The following STPG1 variants were observed in gnomAD, a reference collection of about 807,000 sequenced individuals.
The protein encoded by STPG1 is O(6)-methylguanine-induced apoptosis 2.
A neutral mutation model predicts 40.1 loss-of-function variants in STPG1; 33 were observed. The ratio of observed to expected loss-of-function variants is 0.82; its 90% CI spans 0.62 to 1.10. STPG1 has a LOEUF of 1.10. Among genes scored for constraint, STPG1 ranks in the 50% least tolerant of loss-of-function variants. STPG1 has a pLI of 0.00. For missense variants in STPG1, 396 were observed against 415.1 expected (o/e 0.95, Z 0.40); for synonymous variants, 150 against 155.0 (o/e 0.97, Z 0.24).
chr1:24,412,760 T>G (rs1052220240), intron 1 of STPG1, among the ~76,000 whole-genome samples: 10 of 152,298 alleles, frequency 6.6e-5, no homozygotes, highest in African/African-American at 2.4e-4. Flanking sequence ...ATTGGTGGAA[T>G]GAATGAATGA....
At chr1:24,379,971 A>T in intron 4 of STPG1, 148 bp from the exon 5 acceptor site, 1 of 752,786 alleles carries the variant, frequency 1.3e-6, no homozygotes, top group Non-Finnish European at 2.1e-6. Context: ...AACTGACCTC[A>T]GGCTTTGAGG....
rs1640883304 is a variant in STPG1 at position 24,358,628 on chromosome 1, G to C, written c.929-9C>G. 3.7e-6 allele frequency: 6 copies of C among 1,606,522 alleles called. No homozygotes were observed. The South Asian group carries it at 5.5e-5, about 15-fold the overall frequency. On this transcript the variant is annotated splice_polypyrimidine_tract_variant and intron_variant, in intron 8 of 8. Transcript: ENST00000337248. ...CTCTGGCTTGTACGTAGCTGTGAGGGGACAGAGAGGCGGAGGCATTAAGAG... is the reference window on the plus strand; with the variant it reads ...CTCTGGCTTGTACGTAGCTGTGAGGCGACAGAGAGGCGGAGGCATTAAGAG...
Position 24,384,384 on chromosome 1 carries a change from G to A in STPG1, c.190-381C>T, listed in dbSNP as rs975854218. 2.6e-5 allele frequency among the ~76,000 whole-genome samples: 4 copies of A among 152,184 alleles called. 1 individual carries two copies. The highest frequency in any genetic ancestry group is 9.7e-5 in the African/African-American group (4 of 41,446). On this transcript the variant is annotated intron_variant, in intron 3 of 8. Transcript: ENST00000337248. The stretch of plus-strand genomic sequence containing the variant: ...TAAGCCAGACCCACGGCAAGGGAAG[G>A]GTGAGCGATTTCATGTTCACCCCAC...
intron 3 of STPG1, chr1:24,391,129 G>C (rs974700761): frequency 2.0e-5 from 3 of 152,760 alleles, no homozygotes; most frequent in African/African-American, 7.2e-5. Context: ...GCCCTCCAAA[G>C]GTAATTCTAG....
intron 7 of STPG1, among the ~76,000 whole-genome samples, chr1:24,361,290 C>T (rs1641100882): frequency 6.6e-6 from 1 of 152,142 alleles, no homozygotes; most frequent in South Asian, 2.1e-4. Flanking sequence ...AGATGACGTA[C>T]CTAAAACACA....
At chr1:24,402,261 CT>C (rs1435633465) in intron 1 of STPG1, among the ~76,000 whole-genome samples, 1 of 152,166 alleles carries the variant, frequency 6.6e-6, no homozygotes, top group Non-Finnish European at 1.5e-5. Flanking sequence ...TAGTGTAATG[CT>C]TTTGAAATTC....
rs56972835 is a variant in STPG1 at position 24,382,917 on chromosome 1, C to CTTT, written c.291+982_291+984dup. On this transcript the variant is annotated intron_variant, in intron 4 of 8. Transcript: ENST00000337248. ...AGAGTCTGGGCTTGCTTTCTTTTCA[C>CTTT]TTTTTTTTTTTTTGGACAGAGTCTG... is the stretch of plus-strand genomic sequence containing the variant. 2.1e-3 allele frequency among the ~76,000 whole-genome samples: 285 copies of CTTT among 133,496 alleles called. 14 individuals are homozygous for CTTT. Among genetic ancestry groups the CTTT allele is most frequent in the African/African-American group, 7.8e-3 (266 of 34,284 alleles). The allele number at this position is 133,496 out of a possible 152,430, so 87.6% of individuals were successfully genotyped here. A position where few individuals can be genotyped will look rare whatever the true frequency, so the allele number is the denominator to read the frequency against.
At chr1:24,394,957 C>T (rs1181427840) in intron 2 of STPG1, among the ~76,000 whole-genome samples, 1 of 151,834 alleles carries the variant, frequency 6.6e-6, no homozygotes, top group Non-Finnish European at 1.5e-5. Context: ...AAACTATTGA[C>T]TCACAGATTC....
At chr1:24,384,313 G>T (rs1282078804) in intron 3 of STPG1, among the ~76,000 whole-genome samples, 1 of 152,222 alleles carries the variant, frequency 6.6e-6, no homozygotes, top group Non-Finnish European at 1.5e-5. Context: ...GCCTAAAGTG[G>T]GACACTGAAT....
intron 7 of STPG1, among the ~76,000 whole-genome samples, chr1:24,367,922 G>A (rs1641552607): frequency 6.6e-6 from 1 of 152,184 alleles, no homozygotes; most frequent in South Asian, 2.1e-4. Context: ...GAGAGGAGAA[G>A]TCTCTGGAAG....
intron 1 of STPG1, chr1:24,411,734 C>T (rs1412920679): frequency 3.3e-5 from 5 of 152,190 alleles, no homozygotes; most frequent in Non-Finnish European, 7.3e-5. Context: ...GCCACCGTGC[C>T]TTACCTGGTT....
upstream of STPG1, chr1:24,414,842 A>G (rs542660422): frequency 1.3e-5 from 2 of 151,990 alleles, no homozygotes; most frequent in South Asian, 4.2e-4. Context: ...CAAATATGTT[A>G]TTTATAAACT....
chr1:24,364,018 C>G lies in STPG1; in HGVS notation c.738-2977G>C, dbSNP rs148783032. 2.4e-3 allele frequency among the ~76,000 whole-genome samples: 367 copies of G among 152,310 alleles called. 1 individual carries two copies. The highest frequency in any genetic ancestry group is 8.1e-3 in the African/African-American group (336 of 41,554). ...CAAGATCTATTTATGGCCTCTCAAT[C>G]CAGCCTAATCTCCCATGTCCTGCTG... On this transcript the variant is annotated intron_variant, in intron 7 of 8. Coordinates refer to ENST00000337248, the MANE Select transcript of STPG1 (RefSeq NM_001199013.2).
chr1:24,371,102 C>A (rs1356102635), intron 6 of STPG1, among the ~76,000 whole-genome samples: 1 of 152,162 alleles, frequency 6.6e-6, no homozygotes, highest in Non-Finnish European at 1.5e-5. Flanking sequence ...AGCGATCTCA[C>A]CCCTAAGTTG....
chr1:24,372,644 G>A (rs1641807520), intron 6 of STPG1, among the ~76,000 whole-genome samples: 1 of 152,236 alleles, frequency 6.6e-6, no homozygotes, highest in South Asian at 2.1e-4. Flanking sequence ...ATGAACTGGG[G>A]CTGAGCCTCC....
Position 24,364,166 on chromosome 1 carries a change from C to T in STPG1, c.738-3125G>A, listed in dbSNP as rs920462801. The stretch of plus-strand genomic sequence containing the variant: ...CTGCAAACTCGAATTCAATTCTTGA[C>T]GTTCTCACTTTCTTCCAGGGAAACT... On this transcript the variant is annotated intron_variant, in intron 7 of 8. Transcript: ENST00000337248. 33 of 1,487,590 alleles carry T rather than the reference C, an allele frequency of 2.2e-5. No homozygotes were observed. The Admixed American group carries it at 2.7e-4, about 12-fold the overall frequency. The allele number at this position is 1,487,590 out of a possible 1,614,324, so 92.1% of individuals were successfully genotyped here.
In STPG1 at chr1:24,364,647, T is replaced by C. The variant is rs12079868; in HGVS notation, c.738-3606A>G. On this transcript the variant is annotated intron_variant, in intron 7 of 8. Transcript: ENST00000337248. ...GGAGCCCAGGCATCTGAGGCCCACA[T>C]GACAGTTTCATCCTCATCCAGGGCT... is the stretch of plus-strand genomic sequence containing the variant. Among the ~76,000 whole-genome samples, 18,413 of 152,116 alleles carry C rather than the reference T, an allele frequency of 0.12. 2,418 individuals are homozygous for C. The highest frequency in any genetic ancestry group is 0.33 in the African/African-American group (13,553 of 41,438).
At chr1:24,365,661 A>T (rs1641409429) in intron 7 of STPG1, among the ~76,000 whole-genome samples, 1 of 152,246 alleles carries the variant, frequency 6.6e-6, no homozygotes, top group Non-Finnish European at 1.5e-5. Context: ...CCCTAGGAAG[A>T]CACAGAGGAC....
intron 1 of STPG1, among the ~76,000 whole-genome samples, chr1:24,406,428 A>G (rs756286691): frequency 5.9e-5 from 9 of 152,150 alleles, no homozygotes; most frequent in South Asian, 2.1e-4. Flanking sequence ...GGAAATTAAA[A>G]TAAGAAAAAA....
Sources: allele counts gnomAD v4.1 joint callset (sites outside exome capture counted in the v4.1 genomes callset), GRCh38; gene constraint gnomAD v4.1.1; transcripts MANE v1.5; gene names NCBI Gene and HGNC (gene_info 2026-07-23, HGNC 2026-07-21).